SRRM2: variants seen among roughly 807,000 people sequenced by gnomAD.
SRRM2 encodes serine/arginine repetitive matrix 2, also known as serine/arginine repetitive matrix protein 2.
In SRRM2, 30 loss-of-function variants were observed where a neutral mutation model predicts 213.8. The ratio of observed to expected loss-of-function variants is 0.14; its 90% CI spans 0.10 to 0.19. SRRM2 has a LOEUF of 0.19. Ranked by LOEUF, SRRM2 falls within the 10% of genes least tolerant of loss-of-function variation. The pLI is 1.00. For missense variants in SRRM2, 4,904 were observed against 3,647.0 expected (o/e 1.34, Z -8.88); for synonymous variants, 2,025 against 1,377.7 (o/e 1.47, Z -10.40).
At chr16:2,760,552 A>T (rs1465536709) in intron 10 of SRRM2, 53 bp downstream of exon 10, 2 of 1,594,358 alleles carry the variant, frequency 1.3e-6, no homozygotes, top group African/African-American at 1.3e-5. Context: ...TAGATTTAGG[A>T]TAGACATGTG....
rs781265647 is a variant in SRRM2, at chr16:2,762,686, A to G, written c.2158A>G (p.Arg720Gly). The G allele has an allele frequency of 7.4e-5, 120 of 1,613,996 alleles. No individual in the cohort carries two copies. The highest frequency in any genetic ancestry group is 8.7e-5 in the Non-Finnish European group (103 of 1,179,956). ...RGRSHSRTPQ[R>G]RGRSGSSSER... The stretch of plus-strand genomic sequence containing the variant: ...AAGATCTCACTCTAGAACACCTCAA[A>G]GAAGAGGCAGATCTGGCTCATCTTC... Residue 720 changes from arginine to glycine, a missense_variant, in exon 11 of 15, where the codon AGA becomes GGA. By Grantham distance (125) the Arg-to-Gly change is moderately radical. Coordinates refer to ENST00000301740, the MANE Select transcript of SRRM2 (RefSeq NM_016333.4).
At position 2,765,325 on chromosome 16, in the gene SRRM2, T is replaced by C. The variant is rs2068501181; in HGVS notation, c.4797T>C (p.Gly1599=). 2 of 1,614,050 alleles carry C rather than the reference T, an allele frequency of 1.2e-6. No homozygotes were observed. The highest frequency in any genetic ancestry group is 2.7e-5 in the African/African-American group (2 of 74,986). The change falls in exon 11 of 15, where the codon GGT becomes GGC. Residue 1599 remains glycine, a synonymous_variant. Coordinates refer to ENST00000301740, the MANE Select transcript of SRRM2 (RefSeq NM_016333.4). ...TATCCCCTCGGCGCAGTAGGTCTGG[T>C]TCCTCCCCTGAAGTGAAAGATAAGC... The part of the protein sequence containing the change: ...SRLSPRRSRS[G]SSPEVKDKPR...
chr16:2,768,610 C>T lies in SRRM2; in HGVS notation c.7733+349C>T, dbSNP rs532049168. ...GAAGGATCTTCAGAGGTCATCCCAT[C>T]CCTCTCCCTGCCTCCAGGCAGGACG... is the stretch of plus-strand genomic sequence containing the variant. On this transcript the variant is annotated intron_variant, in intron 11 of 14. Coordinates refer to ENST00000301740, the MANE Select transcript of SRRM2 (RefSeq NM_016333.4). 1.4e-4 allele frequency: 90 copies of T among 631,452 alleles called. 1 individual carries two copies. The highest frequency in any genetic ancestry group is 7.1e-5 in the Non-Finnish European group (24 of 339,994). 39.1% of individuals were successfully genotyped at this position (631,452 alleles called of 1,614,324 possible).
At chr16:2,753,138 C>G (rs1424993545) in intron 1 of SRRM2, among the ~76,000 whole-genome samples, 2 of 151,876 alleles carry the variant, frequency 1.3e-5, no homozygotes, top group African/African-American at 4.8e-5. Flanking sequence ...CTCGGCTTCA[C>G]TCCTCCCCCC....
chr16:2,759,955 C>T, intron 9 of SRRM2: 1 of 535,622 alleles, frequency 1.9e-6, no homozygotes, highest in Non-Finnish European at 3.3e-6. Flanking sequence ...GGAAGGAATC[C>T]TTACCCTGGC....
In SRRM2 at chr16:2,767,578, G is replaced by C; in HGVS notation, c.7050G>C (p.Val2350=). 6.2e-7 allele frequency: 1 copy of C among 1,614,196 alleles called. No individual in the cohort carries two copies. Among genetic ancestry groups the C allele is most frequent in the Non-Finnish European group, 8.5e-7 (1 of 1,180,036 alleles). The change falls in exon 11 of 15, where the codon GTG becomes GTC. Residue 2350 remains valine (V), a synonymous_variant. Transcript: ENST00000301740. ...GPRSAHATAP[V]NIAGSRTAAA... is the part of the protein sequence containing the mutation. Reference sequence around the variant, plus strand: ...GGTCTGCACATGCCACAGCTCCTGTGAATATTGCCGGCTCCAGAACCGCCG... The same window carrying C: ...GGTCTGCACATGCCACAGCTCCTGTCAATATTGCCGGCTCCAGAACCGCCG...
At chr16:2,759,232 T>C (rs2068253975) in intron 7 of SRRM2, 60 bp downstream of exon 7, 2 of 1,605,222 alleles carry the variant, frequency 1.2e-6, no homozygotes, top group Admixed American at 1.7e-5. Flanking sequence ...TTTTTTTTTC[T>C]TGGAGTGAAG....
At position 2,762,914 on chromosome 16, in the gene SRRM2, C is replaced by G. The variant is rs534648564; in HGVS notation, c.2386C>G (p.Arg796Gly). Residue 796 changes from arginine (R) to glycine (G), a missense_variant, in exon 11 of 15, where the codon CGC (arginine) becomes GGC (glycine). Arg to Gly is a moderately radical substitution (Grantham distance 125). Transcript: ENST00000301740. ...PKQKSQTPPRRSRSGSSQPKA... is the reference protein window; with the variant it reads ...PKQKSQTPPRGSRSGSSQPKA... ...ACAAAAGTCACAGACACCACCCAGGCGCAGTCGCTCTGGATCCTCCCAACC... is the reference window on the plus strand; with the variant it reads ...ACAAAAGTCACAGACACCACCCAGGGGCAGTCGCTCTGGATCCTCCCAACC... 6.2e-7 allele frequency: 1 copy of G among 1,609,680 alleles called. No homozygotes were observed. The highest frequency in any genetic ancestry group is 8.5e-7 in the Non-Finnish European group (1 of 1,176,174).
At chr16:2,760,177 C>A in intron 9 of SRRM2, 124 bp from the exon 10 acceptor site, 1 of 947,318 alleles carries the variant, frequency 1.1e-6, no homozygotes, top group Non-Finnish European at 1.6e-6. Flanking sequence ...AGTTGTGCGA[C>A]TAAAGGCTTT....
rs753860397 is a variant in SRRM2, at chr16:2,761,668, C to T, written c.1140C>T (p.Pro380=). The change falls in exon 11 of 15, where the codon CCC becomes CCT. Residue 380 remains proline, a synonymous_variant. Transcript: ENST00000301740. ...AGCGACATGGCGGCTCCCCACAACC[C>T]CTTGCAACCACCCCCTTAAGCCAGG... ...LAERHGGSPQ[P]LATTPLSQEP... is the part of the protein sequence containing the mutation. 4 of 1,595,812 alleles carry T rather than the reference C, an allele frequency of 2.5e-6. No homozygotes were observed. Among genetic ancestry groups the T allele is most frequent in the Non-Finnish European group, 3.4e-6 (4 of 1,171,392 alleles).
Position 2,766,584 on chromosome 16 carries a change from G to C in SRRM2, c.6056G>C (p.Arg2019Thr). The change falls in exon 11 of 15, where the codon AGG becomes ACG. Residue 2019 changes from arginine (R) to threonine (T), a missense_variant. By Grantham distance (71) the Arg-to-Thr change is moderately conservative (BLOSUM62 -1). Coordinates refer to ENST00000301740, the MANE Select transcript of SRRM2 (RefSeq NM_016333.4). The surrounding 1 kb of genome is among the most constrained non-coding windows in gnomAD (Gnocchi z 7.0). ...RTSPVTRRRS[R>T]SRTPPAIRRR... ...TCACCAGTGACACGCCGCCGCTCTA[G>C]GTCCCGGACACCTCCAGCTATTCGG... 1.2e-6 allele frequency: 2 copies of C among 1,614,098 alleles called. No individual in the cohort carries two copies. Among genetic ancestry groups the C allele is most frequent in the Non-Finnish European group, 1.7e-6 (2 of 1,180,012 alleles).
chr16:2,767,749 C>T lies in SRRM2; in HGVS notation c.7221C>T (p.Ser2407=), dbSNP rs771013747. ...CACCGCTCCTTGACCGAGCTAGGTC[C>T]AGAACACCACCGTCTGCCCCAAGCC... The part of the protein sequence containing the change: ...TSPPLLDRAR[S]RTPPSAPSQS... Residue 2407 remains serine, a synonymous_variant, in exon 11 of 15, where the codon TCC becomes TCT. Transcript: ENST00000301740. 3 of 1,613,734 alleles carry T rather than the reference C, an allele frequency of 1.9e-6. No homozygotes were observed. The highest frequency in any genetic ancestry group is 1.1e-5 in the South Asian group (1 of 91,028).
chr16:2,771,054 GT>G lies in SRRM2; in HGVS notation c.*189del, dbSNP rs1284804854. ...TCCTGTGAAATGTTAATCTCCGTGA[GT>G]TCTTCCTGGTTCATGTGTTCTGGGG... On this transcript the variant is annotated 3_prime_UTR_variant, in exon 15 of 15. Transcript: ENST00000301740. The G allele has an allele frequency of 1.3e-5, 5 of 399,202 alleles. No individual in the cohort carries two copies. Among genetic ancestry groups the G allele is most frequent in the Non-Finnish European group, 2.2e-5 (5 of 224,350 alleles). The allele number at this position is 399,202 out of a possible 1,614,324, so 24.7% of individuals were successfully genotyped here.
Position 2,764,575 on chromosome 16 carries a change from T to G in SRRM2, c.4047T>G (p.Ser1349=). 1 of 1,614,232 alleles carries G rather than the reference T, an allele frequency of 6.2e-7. No individual in the cohort carries two copies. The highest frequency in any genetic ancestry group is 8.5e-7 in the Non-Finnish European group (1 of 1,180,044). ...LGTEMNTGFS[S]EVKEDLNGPF... Reference sequence around the variant, plus strand: ...CAGAAATGAATACTGGATTTTCTTCTGAGGTTAAAGAAGATTTGAATGGAC... The same window carrying G: ...CAGAAATGAATACTGGATTTTCTTCGGAGGTTAAAGAAGATTTGAATGGAC... Residue 1349 remains serine, a synonymous_variant, in exon 11 of 15, where the codon TCT becomes TCG. Transcript: ENST00000301740.
At position 2,762,843 on chromosome 16, in the gene SRRM2, G is replaced by A. The variant is rs144124351; in HGVS notation, c.2315G>A (p.Arg772His). 1.4e-4 allele frequency: 219 copies of A among 1,614,146 alleles called. 1 individual carries two copies. In the African/African-American group the frequency reaches 2.3e-3, roughly 17 times the overall value. Residue 772 changes from arginine (R) to histidine (H), a missense_variant, in exon 11 of 15, where the codon CGC becomes CAC. Arg to His is a conservative substitution (Grantham distance 29, BLOSUM62 0). Transcript: ENST00000301740. ...TCACCACGGTCCAAAGCAAAATCTC[G>A]CTTGTCTTTGAGGCGCAGCCTTTCA... ...LSSPRSKAKS[R>H]LSLRRSLSGS...
rs1355425863 is a variant in SRRM2 at position 2,753,479 on chromosome 16, T to A, written c.-32+633T>A. 3.3e-5 allele frequency: 5 copies of A among 152,266 alleles called. No homozygotes were observed. The East Asian group carries it at 9.6e-4, about 29-fold the overall frequency. 9.4% of individuals were successfully genotyped at this position (152,266 alleles called of 1,614,324 possible). On this transcript the variant is annotated intron_variant, in intron 1 of 14. Transcript: ENST00000301740. ...AGTGGCGGGGAGAAACCCCAAATCT[T>A]AAAAACTGTGAAGAAAGTGAACGTG...
intron 11 of SRRM2, chr16:2,768,495 G>C (rs754934059): frequency 7.3e-6 from 5 of 686,420 alleles, no homozygotes; most frequent in South Asian, 4.6e-5. Context: ...TAAGTTTTCC[G>C]TCTCTACAGA....
chr16:2,756,341 G>T lies in SRRM2; in HGVS notation c.-24G>T, dbSNP rs1308984526. On this transcript the variant is annotated 5_prime_UTR_variant, in exon 2 of 15. Transcript: ENST00000301740. ...CTCCCCGCTCCCCCTCAGGAGCGGT[G>T]GTGCCCCCCCCGGGCACGGGGCCAT... 6.3e-7 allele frequency: 1 copy of T among 1,579,908 alleles called. No individual in the cohort carries two copies.
rs200294849 is a variant in SRRM2 at position 2,767,665 on chromosome 16, C to T, written c.7137C>T (p.Asn2379=). 3 of 1,614,116 alleles carry T rather than the reference C, an allele frequency of 1.9e-6. No homozygotes were observed. Among genetic ancestry groups the T allele is most frequent in the African/African-American group, 2.7e-5 (2 of 74,994 alleles). ...TGGCTCCAGCATTGTCTGGTGCAAACCTCACCAGCCCCAGGGTGCCCCTTT... is the reference window on the plus strand; with the variant it reads ...TGGCTCCAGCATTGTCTGGTGCAAATCTCACCAGCCCCAGGGTGCCCCTTT... ...ARMAPALSGA[N]LTSPRVPLSA... The change falls in exon 11 of 15, where the codon AAC becomes AAT. Residue 2379 remains asparagine (N), a synonymous_variant. Coordinates refer to ENST00000301740, the MANE Select transcript of SRRM2 (RefSeq NM_016333.4).
Sources: gnomAD v4.1 joint callset for allele counts (sites outside exome capture counted in the v4.1 genomes callset) on GRCh38, gnomAD v4.1.1 for gene constraint, Gnocchi (gnomAD v3.1) non-coding constraint, MANE v1.5 for transcripts, NCBI Gene and HGNC (gene_info 2026-07-23, HGNC 2026-07-21) for gene names.